Variants in TMOD1 observed in about 807,000 individuals in gnomAD.
The protein encoded by TMOD1 is tropomodulin 1, also known as tropomodulin-1.
In TMOD1, 17 loss-of-function variants were observed where a neutral mutation model predicts 40.6. The observed-to-expected ratio is 0.42, with a 90% CI of 0.29 to 0.63. The LOEUF is 0.63. Among genes scored for constraint, TMOD1 ranks in the 20% least tolerant of loss-of-function variants. The probability of loss-of-function intolerance (pLI) is 0.22; values close to 1 mark genes in which losing one functional copy is unlikely to be tolerated. For synonymous variants in TMOD1, 181 were observed against 175.0 expected (o/e 1.03, Z -0.27); for missense variants, 391 against 447.6 (o/e 0.87, Z 1.14).
At chr9:97,511,789 T>G (rs1829704331) in intron 1 of TMOD1, among the ~76,000 whole-genome samples, 1 of 152,164 alleles carries the variant, frequency 6.6e-6, no homozygotes, top group South Asian at 2.1e-4. Flanking sequence ...CTCACCGTGT[T>G]GCCCAGGCTG....
chr9:97,572,167 C>T (rs1587950810), intron 8 of TMOD1, among the ~76,000 whole-genome samples: 2 of 152,154 alleles, frequency 1.3e-5, no homozygotes, highest in South Asian at 4.1e-4. Context: ...GACTTCCCAC[C>T]CACAGGGTGA....
At chr9:97,598,256 G>C (rs1040588532) in intron 9 of TMOD1, among the ~76,000 whole-genome samples, 4 of 149,724 alleles carry the variant, frequency 2.7e-5, no homozygotes, top group Non-Finnish European at 5.9e-5. Flanking sequence ...TTGAACCTGG[G>C]AGGCGAGGTT....
chr9:97,511,822 C>T (rs1033762350), intron 1 of TMOD1, among the ~76,000 whole-genome samples: 13 of 145,498 alleles, frequency 8.9e-5, no homozygotes, highest in Non-Finnish European at 1.7e-4. Context: ...TGGCCTCAAG[C>T]GATCCGCCTG....
chr9:97,595,863 A>G (rs1272026367), intron 9 of TMOD1, among the ~76,000 whole-genome samples: 1 of 152,056 alleles, frequency 6.6e-6, no homozygotes, highest in Admixed American at 6.6e-5. Context: ...ACCTGAGGTC[A>G]GGAGTTTGAG....
chr9:97,555,450 T>G, intron 4 of TMOD1: 1 of 1,420,850 alleles, frequency 7.0e-7, no homozygotes, highest in Non-Finnish European at 9.1e-7. Flanking sequence ...AGGTCAGAGC[T>G]GCAACTCTGT....
intron 1 of TMOD1, among the ~76,000 whole-genome samples, chr9:97,521,401 T>C (rs1013915706): frequency 1.3e-5 from 2 of 152,152 alleles, no homozygotes; most frequent in African/African-American, 4.8e-5. Flanking sequence ...TAAGAGATGC[T>C]AGTTTTAAGG....
rs1267101994 is a variant in TMOD1, at chr9:97,565,853, C to A, written c.624C>A (p.Ile208=). The A allele has an allele frequency of 6.2e-7, 1 of 1,613,590 alleles. No individual in the cohort carries two copies. The highest frequency in any genetic ancestry group is 8.5e-7 in the Non-Finnish European group (1 of 1,179,684). The change falls in exon 7 of 10, where the codon ATC becomes ATA. Residue 208 remains isoleucine (I), a synonymous_variant. Transcript: ENST00000259365. ...TGTTGCCTTTCTTTGTGCAGAATAT[C>A]CCCATCCCCACCCTCAAGGCATATG... ...EEVNLNNIRN[I]PIPTLKAYAE...
intron 9 of TMOD1, among the ~76,000 whole-genome samples, chr9:97,595,947 A>ATG (rs1826101737): frequency 6.6e-6 from 1 of 151,928 alleles, no homozygotes; most frequent in African/African-American, 2.4e-5. Flanking sequence ...GGTGGCAGGC[A>ATG]CCTGTAATCC....
At chr9:97,545,649 C>T (rs1830348843) in intron 2 of TMOD1, among the ~76,000 whole-genome samples, 2 of 152,134 alleles carry the variant, frequency 1.3e-5, no homozygotes, top group African/African-American at 4.8e-5. Flanking sequence ...CTGCTCACCT[C>T]GCTGCTTTCC....
chr9:97,527,865 T>C (rs1270819113), intron 2 of TMOD1, among the ~76,000 whole-genome samples: 2 of 151,892 alleles, frequency 1.3e-5, no homozygotes, highest in Non-Finnish European at 2.9e-5. Context: ...CTGCAGGCCT[T>C]TTGGGCTGTT....
chr9:97,577,644 T>C (rs942478114), intron 8 of TMOD1, among the ~76,000 whole-genome samples: 5 of 151,968 alleles, frequency 3.3e-5, no homozygotes, highest in African/African-American at 1.2e-4. Flanking sequence ...AAAAATTAGC[T>C]GGGCGTGGTG....
intron 2 of TMOD1, among the ~76,000 whole-genome samples, chr9:97,532,913 G>A (rs531333177): frequency 6.6e-6 from 1 of 152,342 alleles, no homozygotes; most frequent in East Asian, 1.9e-4. Context: ...CAAAACCAGT[G>A]CTATGTAGTA....
chr9:97,600,839 G>A lies in TMOD1; in HGVS notation c.*1141G>A. The A allele has an allele frequency of 9.3e-7, 1 of 1,074,896 alleles. No homozygotes were observed. The highest frequency in any genetic ancestry group is 1.1e-6 in the Non-Finnish European group (1 of 880,194). The allele number at this position is 1,074,896 out of a possible 1,614,324, so 66.6% of individuals were successfully genotyped here. ...TTTTTAACATCATGTGCGTCTCTTG[G>A]GATCCAGCAAAAGTGTTAAGCCACA... On this transcript the variant is annotated 3_prime_UTR_variant, in exon 10 of 10. Coordinates refer to ENST00000259365, the MANE Select transcript of TMOD1 (RefSeq NM_003275.4).
At chr9:97,521,927 T>C (rs1829922450) in intron 1 of TMOD1, among the ~76,000 whole-genome samples, 1 of 152,234 alleles carries the variant, frequency 6.6e-6, no homozygotes, top group South Asian at 2.1e-4. Flanking sequence ...TTAATTATTT[T>C]TCATTAACAA....
chr9:97,501,452 C>T (rs1338910284), upstream of TMOD1, among the ~76,000 whole-genome samples: 1 of 152,122 alleles, frequency 6.6e-6, no homozygotes, highest in Non-Finnish European at 1.5e-5. Context: ...GGCAGGGGCC[C>T]GCGCTCGCTC....
intron 1 of TMOD1, among the ~76,000 whole-genome samples, chr9:97,521,136 C>T (rs1162663719): frequency 6.6e-6 from 1 of 152,154 alleles, no homozygotes; most frequent in Non-Finnish European, 1.5e-5. Context: ...TCTGATGTGA[C>T]CCAGAGGTGA....
At chr9:97,576,935 G>A (rs1319893897) in intron 8 of TMOD1, among the ~76,000 whole-genome samples, 1 of 152,102 alleles carries the variant, frequency 6.6e-6, no homozygotes, top group Non-Finnish European at 1.5e-5. Flanking sequence ...CATCGCGCCT[G>A]GCCCATGGTG....
At chr9:97,569,731 A>C (rs1161993624) in intron 8 of TMOD1, among the ~76,000 whole-genome samples, 1 of 152,176 alleles carries the variant, frequency 6.6e-6, no homozygotes, top group Non-Finnish European at 1.5e-5. Context: ...TTTGATCTTC[A>C]CAACAACCCT....
At chr9:97,546,919 A>C (rs1587934333) in intron 3 of TMOD1, among the ~76,000 whole-genome samples, 1 of 118,334 alleles carries the variant, frequency 8.5e-6, no homozygotes, top group African/African-American at 3.3e-5. Flanking sequence ...ACAGAGTAAG[A>C]CTCCGTCTCC....
Sources: allele counts gnomAD v4.1 joint callset (sites outside exome capture counted in the v4.1 genomes callset), GRCh38; gene constraint gnomAD v4.1.1; transcripts MANE v1.5; gene names NCBI Gene and HGNC (gene_info 2026-07-23, HGNC 2026-07-21).